Variants in VOPP1 observed in about 807,000 individuals in gnomAD.
VOPP1 encodes the protein VOPP1 WW domain binding protein, also known as WW domain binding protein VOPP1.
Under a neutral mutation model 23.5 loss-of-function variants are expected in VOPP1, and 8 were observed. That is an observed-to-expected ratio of 0.34 (90% CI 0.20 to 0.61). The LOEUF (loss-of-function observed/expected upper bound fraction) is 0.61, where lower values mean the gene tolerates loss of function less well. Ranked by LOEUF, VOPP1 falls within the 20% of genes least tolerant of loss-of-function variation. The pLI is 0.78. For missense variants in VOPP1, 174 were observed against 238.1 expected (o/e 0.73, Z 1.77); for synonymous variants, 83 against 97.3 (o/e 0.85, Z 0.86).
At chr7:55,446,407 T>C (rs1038042958) in intron 4 of VOPP1, among the ~76,000 whole-genome samples, 1 of 152,212 alleles carries the variant, frequency 6.6e-6, no homozygotes, top group Non-Finnish European at 1.5e-5. Flanking sequence ...TACTGTAAAC[T>C]GTGCACATGT....
At chr7:55,476,071 A>C (rs1003970877) in intron 4 of VOPP1, among the ~76,000 whole-genome samples, 4 of 152,200 alleles carry the variant, frequency 2.6e-5, no homozygotes, top group Non-Finnish European at 5.9e-5. Context: ...GGAGAGCCAC[A>C]GGAGACTGGG....
rs1188037278 is a variant in VOPP1 at position 55,492,377 on chromosome 7, C to T, written c.233G>A (p.Gly78Asp). The T allele has an allele frequency of 6.2e-7, 1 of 1,609,730 alleles. No homozygotes were observed. The highest frequency in any genetic ancestry group is 1.1e-5 in the South Asian group (1 of 90,210). ...GTACATGCGCCTCCGGATGAAGAAG[C>T]CGGCTCCGCAGCAGAAAAGCACGCC... Reference protein sequence around the residue: ...MMGVLFCCGAGFFIRRRMYPP... With the variant: ...MMGVLFCCGADFFIRRRMYPP... Residue 78 changes from glycine to aspartate, a missense_variant, in exon 4 of 5, where the codon GGC (glycine) becomes GAC (aspartate). Gly to Asp is a moderately conservative substitution (Grantham distance 94). Coordinates refer to ENST00000285279, the MANE Select transcript of VOPP1 (RefSeq NM_030796.5).
intron 3 of VOPP1, among the ~76,000 whole-genome samples, chr7:55,497,063 T>C (rs1420554543): frequency 6.6e-6 from 1 of 152,190 alleles, no homozygotes; most frequent in East Asian, 1.9e-4. Context: ...GCTCCCCCCA[T>C]GGAATGTGCT....
chr7:55,471,374 A>T lies in VOPP1; in HGVS notation c.*1481T>A, dbSNP rs1791806563. 1 of 152,120 alleles carries T rather than the reference A, an allele frequency of 6.6e-6. No individual in the cohort carries two copies. Among genetic ancestry groups the T allele is most frequent in the African/African-American group, 2.4e-5 (1 of 41,342 alleles). The allele number at this position is 152,120 out of a possible 1,614,324, so 9.4% of individuals were successfully genotyped here. On this transcript the variant is annotated 3_prime_UTR_variant, in exon 5 of 5. Coordinates refer to ENST00000285279, the MANE Select transcript of VOPP1 (RefSeq NM_030796.5). ...AGGTTCTCCGATTAAATGTCCTCAGAGTGAAAAGCATGGACACCAAATCAC... is the reference window on the plus strand; with the variant it reads ...AGGTTCTCCGATTAAATGTCCTCAGTGTGAAAAGCATGGACACCAAATCAC...
At chr7:55,437,958 G>C (rs926260138) in intron 4 of VOPP1, among the ~76,000 whole-genome samples, 3 of 150,238 alleles carry the variant, frequency 2.0e-5, no homozygotes, top group Non-Finnish European at 3.0e-5. Flanking sequence ...ACAGTGGCAC[G>C]ATCTCAGCTC....
chr7:55,479,388 C>T (rs1583858889), intron 4 of VOPP1, among the ~76,000 whole-genome samples: 1 of 145,282 alleles, frequency 6.9e-6, no homozygotes, highest in South Asian at 2.2e-4. Context: ...TCACAAACAA[C>T]AGAGGTGTTG....
chr7:55,554,149 A>C (rs1233219804), intron 1 of VOPP1, among the ~76,000 whole-genome samples: 2 of 152,250 alleles, frequency 1.3e-5, no homozygotes, highest in African/African-American at 2.4e-5. Context: ...TTATTGAGAG[A>C]TAGTCCCTAA....
chr7:55,436,650 G>A (rs1352218422), intron 4 of VOPP1, among the ~76,000 whole-genome samples: 4 of 151,088 alleles, frequency 2.6e-5, no homozygotes, highest in Non-Finnish European at 5.9e-5. Flanking sequence ...GCGTGCGTGG[G>A]TGTGTGTGCG....
chr7:55,570,066 T>C (rs1438850183), intron 1 of VOPP1, among the ~76,000 whole-genome samples: 1 of 152,122 alleles, frequency 6.6e-6, no homozygotes, highest in Non-Finnish European at 1.5e-5. Context: ...GCTCCCTGGG[T>C]TGCTTTTATG....
chr7:55,506,151 G>C (rs1312579682), intron 2 of VOPP1, among the ~76,000 whole-genome samples: 1 of 152,188 alleles, frequency 6.6e-6, no homozygotes, highest in East Asian at 1.9e-4. Context: ...TCTCAGCCTG[G>C]TGGGCTGTTT....
chr7:55,436,667 C>CGTGCGT (rs1395620436), intron 4 of VOPP1, among the ~76,000 whole-genome samples: 1 of 148,912 alleles, frequency 6.7e-6, no homozygotes, highest in Non-Finnish European at 1.5e-5. Context: ...TGCGTGTGTG[C>CGTGCGT]GTGCGTGTGC....
At chr7:55,476,448 G>A (rs1310495130) in intron 4 of VOPP1, among the ~76,000 whole-genome samples, 1 of 147,908 alleles carries the variant, frequency 6.8e-6, no homozygotes, top group Non-Finnish European at 1.5e-5. Flanking sequence ...GGGCGGGGGG[G>A]CTGGGCCAAT....
intron 1 of VOPP1, chr7:55,538,506 G>T: frequency 9.6e-7 from 1 of 1,040,544 alleles, no homozygotes; most frequent in Non-Finnish European, 1.4e-6. Context: ...CACACAAAAA[G>T]AACAACCCTA....
intron 1 of VOPP1, among the ~76,000 whole-genome samples, chr7:55,542,779 G>A (rs1797189330): frequency 6.7e-6 from 1 of 149,826 alleles, no homozygotes. Context: ...GACAGAGCGA[G>A]ACTCCATCTC....
At chr7:55,503,782 G>A (rs1179545785) in intron 2 of VOPP1, among the ~76,000 whole-genome samples, 2 of 152,166 alleles carry the variant, frequency 1.3e-5, no homozygotes, top group Non-Finnish European at 2.9e-5. Context: ...TACGAACCAC[G>A]GACAGAGCCC....
At chr7:55,486,848 T>C (rs1793179862) in intron 4 of VOPP1, among the ~76,000 whole-genome samples, 1 of 152,166 alleles carries the variant, frequency 6.6e-6, no homozygotes, top group African/African-American at 2.4e-5. Context: ...GGGCAGGCAA[T>C]GAGTGTGAGA....
chr7:55,544,171 G>A (rs1157310900), intron 1 of VOPP1, among the ~76,000 whole-genome samples: 1 of 152,178 alleles, frequency 6.6e-6, no homozygotes, highest in African/African-American at 2.4e-5. Flanking sequence ...AAGAGACAAT[G>A]TCCTTTGCCC....
In VOPP1 at chr7:55,561,739, C is replaced by T. The variant is rs559322556; in HGVS notation, c.54+10532G>A. ...AAAGAAGAAGAATTCACAGACTGCT[C>T]CCCTCTTCCAAAAAAAAAAAAAAAC... On this transcript the variant is annotated intron_variant, in intron 1 of 4. Coordinates refer to ENST00000285279, the MANE Select transcript of VOPP1 (RefSeq NM_030796.5). 4,169 of 494,502 alleles carry T rather than the reference C, an allele frequency of 8.4e-3. 39 individuals carry two copies. Among genetic ancestry groups the T allele is most frequent in the Middle Eastern group, 0.017 (31 of 1,792 alleles). 30.6% of individuals were successfully genotyped at this position (494,502 alleles called of 1,614,324 possible).
intron 1 of VOPP1, among the ~76,000 whole-genome samples, chr7:55,537,860 A>G (rs1796894562): frequency 1.3e-5 from 2 of 152,162 alleles, no homozygotes; most frequent in African/African-American, 2.4e-5. Flanking sequence ...ACTGCCCACA[A>G]AAGTTCATTC....
Sources: allele counts gnomAD v4.1 joint callset (sites outside exome capture counted in the v4.1 genomes callset), GRCh38; gene constraint gnomAD v4.1.1; transcripts MANE v1.5; gene names NCBI Gene and HGNC (gene_info 2026-07-23, HGNC 2026-07-21).